ZNF644: variants seen among roughly 807,000 people sequenced by gnomAD.
The protein encoded by ZNF644 is zinc finger protein 644, also known as zinc finger motif enhancer binding protein 2.
Under a neutral mutation model 108.0 loss-of-function variants are expected in ZNF644, and 20 were observed. The ratio of observed to expected loss-of-function variants is 0.19; its 90% CI spans 0.13 to 0.27. ZNF644 has a LOEUF of 0.27. Among genes scored for constraint, ZNF644 ranks in the 10% least tolerant of loss-of-function variants. ZNF644 has a pLI of 1.00. For missense variants in ZNF644, 1,338 were observed against 1,548.9 expected (o/e 0.86, Z 2.29); for synonymous variants, 542 against 539.1 (o/e 1.01, Z -0.08).
At chr1:91,001,056 C>T (rs1388750084) in intron 1 of ZNF644, among the ~76,000 whole-genome samples, 1 of 152,060 alleles carries the variant, frequency 6.6e-6, no homozygotes, top group Admixed American at 6.5e-5. Flanking sequence ...GCCTACCAAC[C>T]AAAGAAAGTC....
chr1:91,007,159 C>T (rs1659503317), intron 1 of ZNF644, among the ~76,000 whole-genome samples: 1 of 148,836 alleles, frequency 6.7e-6, no homozygotes, highest in Admixed American at 6.7e-5. Flanking sequence ...TTCATGAGCC[C>T]TTTCACTGTG....
At chr1:90,984,483 G>A (rs1287427351) in intron 1 of ZNF644, among the ~76,000 whole-genome samples, 1 of 151,932 alleles carries the variant, frequency 6.6e-6, no homozygotes, top group Admixed American at 6.6e-5. Context: ...TGCCTCCCAG[G>A]TTCAAGCGAT....
At chr1:90,934,927 T>C (rs1048893650) in intron 4 of ZNF644, among the ~76,000 whole-genome samples, 2 of 152,142 alleles carry the variant, frequency 1.3e-5, no homozygotes, top group Non-Finnish European at 2.9e-5. Flanking sequence ...TTTTATGCTA[T>C]GTTGCCCAGG....
chr1:90,968,129 C>T (rs1310913806), intron 2 of ZNF644, among the ~76,000 whole-genome samples: 1 of 150,274 alleles, frequency 6.7e-6, no homozygotes, highest in African/African-American at 2.5e-5. Context: ...TTTAAAAGTG[C>T]ATGAAAGGTA....
chr1:90,926,764 A>AGTG, intron 4 of ZNF644, among the ~76,000 whole-genome samples: 1 of 152,138 alleles, frequency 6.6e-6, no homozygotes. Flanking sequence ...CCATACATCT[A>AGTG]GTACCCCTCC....
intron 4 of ZNF644, among the ~76,000 whole-genome samples, chr1:90,919,070 C>A (rs904378156): frequency 6.6e-6 from 1 of 151,686 alleles, no homozygotes; most frequent in Non-Finnish European, 1.5e-5. Context: ...TATTCTAAAA[C>A]AACCTGATTT....
In ZNF644 at chr1:90,938,053, A is replaced by T. The variant is rs1319983301; in HGVS notation, c.3120T>A (p.Cys1040Ter). The T allele has an allele frequency of 6.2e-7, 1 of 1,610,910 alleles. No individual in the cohort carries two copies. The change falls in exon 4 of 6, where the codon TGT becomes TGA. Residue 1040 changes from cysteine (C) to a stop codon, truncating the protein, a stop_gained. Coordinates refer to ENST00000337393, the MANE Select transcript of ZNF644 (RefSeq NM_201269.3). LOFTEE classifies it high-confidence loss of function. This position sits in a 1 kb window ranked among gnomAD's most constrained non-coding sequence, Gnocchi z 4.2. ...EKSETTSEHT[C>*]QLCGGWFDTK... is the part of the protein sequence containing the mutation. ...TATCAAACCAACCACCACAGAGCTG[A>T]CAAGTGTGTTCAGAAGTGGTTTCAG...
At chr1:91,007,913 AGT>A (rs1420898768) in intron 1 of ZNF644, among the ~76,000 whole-genome samples, 3 of 152,188 alleles carry the variant, frequency 2.0e-5, no homozygotes, top group Non-Finnish European at 4.4e-5. Context: ...GGCACTTAAA[AGT>A]TGCCTAGGGA....
chr1:90,953,327 C>A (rs1008299196), intron 2 of ZNF644, among the ~76,000 whole-genome samples: 2 of 145,242 alleles, frequency 1.4e-5, no homozygotes. Flanking sequence ...TTTCCAAGTA[C>A]GTATAAAAGT....
chr1:91,014,495 T>C (rs1660259831), intron 1 of ZNF644, among the ~76,000 whole-genome samples: 1 of 152,228 alleles, frequency 6.6e-6, no homozygotes, highest in Admixed American at 6.5e-5. Flanking sequence ...TTTTCATCTA[T>C]ATTTTACTTA....
In ZNF644 at chr1:90,939,877, T is replaced by C. The variant is rs761801161; in HGVS notation, c.1477A>G (p.Ser493Gly). ...ELKELQDEGRSARLQCPQCVF... is the reference protein window; with the variant it reads ...ELKELQDEGRGARLQCPQCVF... ...CACTGAGGACACTGTAATCGTGCAC[T>C]TCTTCCTTCATCCTGAAGTTCTTTC... Residue 493 changes from serine to glycine, a missense_variant, in exon 3 of 6, where the codon AGT (serine) becomes GGT (glycine). Ser to Gly is a moderately conservative substitution (Grantham distance 56). Coordinates refer to ENST00000337393, the MANE Select transcript of ZNF644 (RefSeq NM_201269.3). 3 of 1,614,106 alleles carry C rather than the reference T, an allele frequency of 1.9e-6. No homozygotes were observed. The highest frequency in any genetic ancestry group is 2.2e-5 in the South Asian group (2 of 91,088).
chr1:90,966,819 G>A (rs1021201733), intron 2 of ZNF644, among the ~76,000 whole-genome samples: 1 of 151,630 alleles, frequency 6.6e-6, no homozygotes, highest in Non-Finnish European at 1.5e-5. Flanking sequence ...TTGGGAGATG[G>A]TCTTAAGGTA....
At chr1:91,018,001 T>C (rs900793297) in intron 1 of ZNF644, among the ~76,000 whole-genome samples, 1 of 152,096 alleles carries the variant, frequency 6.6e-6, no homozygotes, top group African/African-American at 2.4e-5. Context: ...AGTAACTCCA[T>C]GGTTCAACTT....
At chr1:91,010,127 T>C (rs945024631) in intron 1 of ZNF644, among the ~76,000 whole-genome samples, 1 of 152,154 alleles carries the variant, frequency 6.6e-6, no homozygotes, top group South Asian at 2.1e-4. Context: ...TCCAAACTTC[T>C]TTAGATCCCT....
At position 90,997,771 on chromosome 1, in the gene ZNF644, G is replaced by A. The variant is rs180964797; in HGVS notation, c.-17-15401C>T. ...TCGCCTCACCCGGGAAGTGCAAGGG[G>A]TCAGGGAATTAATTCCCTTTCCAAG... On this transcript the variant is annotated intron_variant, in intron 1 of 5. Coordinates refer to ENST00000337393, the MANE Select transcript of ZNF644 (RefSeq NM_201269.3). 2.3e-3 allele frequency among the ~76,000 whole-genome samples: 355 copies of A among 152,300 alleles called. 3 individuals are homozygous for A. The highest frequency in any genetic ancestry group is 8.1e-3 in the African/African-American group (335 of 41,574).
At position 90,918,064 on chromosome 1, in the gene ZNF644, A is replaced by T; in HGVS notation, c.3779T>A (p.Ile1260Asn). The T allele has an allele frequency of 6.2e-7, 1 of 1,614,000 alleles. No homozygotes were observed. Among genetic ancestry groups the T allele is most frequent in the Non-Finnish European group, 8.5e-7 (1 of 1,179,902 alleles). Reference sequence around the variant, plus strand: ...TATAGGCATATACCTGCATCGGAGAATGTAAACCTCGTCAGCACCATGAGG... The same window carrying T: ...TATAGGCATATACCTGCATCGGAGATTGTAAACCTCGTCAGCACCATGAGG... ...TLPHGADEVY[I>N]LRCRFCGLVF... is the part of the protein sequence containing the mutation. The change falls in exon 5 of 6, where the codon ATT (isoleucine) becomes AAT (asparagine). Residue 1260 changes from isoleucine to asparagine, a missense_variant. This residue lies in a region of ZNF644 where 287 missense variants were observed against 310.9 expected (regional missense o/e 0.92). Coordinates refer to ENST00000337393, the MANE Select transcript of ZNF644 (RefSeq NM_201269.3).
chr1:90,989,762 C>T (rs980387066), intron 1 of ZNF644, among the ~76,000 whole-genome samples: 2 of 152,060 alleles, frequency 1.3e-5, no homozygotes, highest in Non-Finnish European at 1.5e-5. Context: ...CATGACAGTT[C>T]CTCAAAAAAT....
At chr1:91,016,999 A>G (rs950555944) in intron 1 of ZNF644, among the ~76,000 whole-genome samples, 2 of 152,040 alleles carry the variant, frequency 1.3e-5, no homozygotes, top group African/African-American at 4.8e-5. Context: ...TGCCCAGCTA[A>G]TTTTTGTATT....
rs1159332512 is a variant in ZNF644, at chr1:90,916,833, A to G, written c.3949T>C (p.Ser1317Pro). The G allele has an allele frequency of 1.2e-6, 2 of 1,614,094 alleles. No individual in the cohort carries two copies. The highest frequency in any genetic ancestry group is 1.7e-6 in the Non-Finnish European group (2 of 1,180,046). ...GCTTCGGCCATTAGTAGAGAAAATG[A>G]AGTTTCTGTAATGGAGGCAGGCTTT... ...LKKPASITETSFSLLMAEAAS is the reference protein window; with the variant it reads ...LKKPASITETPFSLLMAEAAS The change falls in exon 6 of 6, where the codon TCA becomes CCA. Residue 1317 changes from serine to proline, a missense_variant. Transcript: ENST00000337393.
Sources: gnomAD v4.1 joint callset for allele counts (sites outside exome capture counted in the v4.1 genomes callset) on GRCh38, gnomAD v4.1.1 for gene constraint, gnomAD v4.1.1 regional missense constraint, Gnocchi (gnomAD v3.1) non-coding constraint, MANE v1.5 for transcripts, NCBI Gene and HGNC (gene_info 2026-07-23, HGNC 2026-07-21) for gene names.